The following XAB2 variants were observed in gnomAD, a reference collection of about 807,000 sequenced individuals.
XAB2 encodes pre-mRNA-splicing factor SYF1.
XAB2 carries 57 observed loss-of-function variants against 113.4 expected under a neutral mutation model. The ratio of observed to expected loss-of-function variants is 0.50; its 90% CI spans 0.41 to 0.63. The LOEUF is 0.63. Among genes scored for constraint, XAB2 ranks in the 20% least tolerant of loss-of-function variants. XAB2 has a pLI of 0.00. For synonymous variants in XAB2, 497 were observed against 498.8 expected (o/e 1.00, Z 0.05); for missense variants, 1,037 against 1,233.3 (o/e 0.84, Z 2.38).
chr19:7,629,516 C>T lies in XAB2; in HGVS notation c.12G>A (p.Met4Ile). The change falls in exon 1 of 19, where the codon ATG becomes ATA. Residue 4 changes from methionine (M) to isoleucine (I), a missense_variant. By Grantham distance (10) the Met-to-Ile change is conservative (BLOSUM62 1). Coordinates refer to ENST00000358368, the MANE Select transcript of XAB2 (RefSeq NM_020196.3). The stretch of plus-strand genomic sequence containing the variant: ...GCCGCTCGGGCCGCGAGAGTCGCGC[C>T]ATCACCACCATTTTTCTGGATGCCC... Reference protein sequence around the residue: MVVMARLSRPERPD... With the variant: MVVIARLSRPERPD... 6.2e-7 allele frequency: 1 copy of T among 1,605,380 alleles called. No homozygotes were observed. The highest frequency in any genetic ancestry group is 8.5e-7 in the Non-Finnish European group (1 of 1,176,192).
Position 7,621,230 on chromosome 19 carries a change from G to A in XAB2, c.1685C>T (p.Thr562Ile). Residue 562 changes from threonine (T) to isoleucine (I), a missense_variant, in exon 13 of 19, where the codon ACC becomes ATC. Transcript: ENST00000358368. ...GCCCCCATAGCGGGCAATGAATTTGGTCAGGTAGGTGCTCCAGATGTCGGA... is the reference window on the plus strand; with the variant it reads ...GCCCCCATAGCGGGCAATGAATTTGATCAGGTAGGTGCTCCAGATGTCGGA... ...NVSDIWSTYL[T>I]KFIARYGGRK... 6.2e-7 allele frequency: 1 copy of A among 1,613,190 alleles called. No homozygotes were observed. Among genetic ancestry groups the A allele is most frequent in the Non-Finnish European group, 8.5e-7 (1 of 1,179,996 alleles).
Position 7,623,185 on chromosome 19 carries a change from G to A in XAB2, c.1224C>T (p.Asn408=), listed in dbSNP as rs764049977. 9.9e-6 allele frequency: 16 copies of A among 1,613,582 alleles called. No individual in the cohort carries two copies. In the East Asian group the frequency reaches 1.8e-4, roughly 18 times the overall value. ...GGGTGCTCACATCGTCCAGCTGTCC[G>A]TTGTCCTCATAAAACTTGGCAAACG... ...WVAFAKFYED[N]GQLDDARVIL... is the part of the protein sequence containing the mutation. Residue 408 remains asparagine (N), a synonymous_variant, in exon 9 of 19, where the codon AAC becomes AAT. Transcript: ENST00000358368. The surrounding 1 kb of genome is among the most constrained non-coding windows in gnomAD (Gnocchi z 4.6).
At position 7,625,315 on chromosome 19, in the gene XAB2, C is replaced by A. The variant is rs933177545; in HGVS notation, c.822+565G>T. Among the ~76,000 whole-genome samples, 1 of 152,160 alleles carries A rather than the reference C, an allele frequency of 6.6e-6. No homozygotes were observed. The highest frequency in any genetic ancestry group is 2.4e-5 in the African/African-American group (1 of 41,436). ...ACCCTGATTTTACAAATGAAGACAC[C>A]CCACCTTAGTGGGGCCAAGGCCGCA... On this transcript the variant is annotated intron_variant, in intron 6 of 18. Coordinates refer to ENST00000358368, the MANE Select transcript of XAB2 (RefSeq NM_020196.3). The surrounding 1 kb of genome is among the most constrained non-coding windows in gnomAD (Gnocchi z 5.2).
rs2031055983 is a variant in XAB2, at chr19:7,622,538, T to A, written c.1495A>T (p.Thr499Ser). ...MLADLEESLG[T>S]FQSTKAVYDR... The stretch of plus-strand genomic sequence containing the variant: ...AGCCACAGGCAGCTCACCTGGAAGG[T>A]GCCGAGGCTCTCCTCCAGGTCGGCG... The change falls in exon 11 of 19, where the codon ACC becomes TCC. Residue 499 changes from threonine (T) to serine (S), a missense_variant. By Grantham distance (58) the Thr-to-Ser change is moderately conservative. Transcript: ENST00000358368. The A allele has an allele frequency of 2.5e-6, 4 of 1,613,796 alleles. No individual in the cohort carries two copies. Among genetic ancestry groups the A allele is most frequent in the Non-Finnish European group, 2.5e-6 (3 of 1,180,024 alleles).
Position 7,622,533 on chromosome 19 carries a change from G to T in XAB2, c.1500C>A (p.Phe500Leu), listed in dbSNP as rs769479629. Residue 500 changes from phenylalanine (F) to leucine (L), a missense_variant, in exon 11 of 19, where the codon TTC becomes TTA. By Grantham distance (22) the Phe-to-Leu change is conservative. Coordinates refer to ENST00000358368, the MANE Select transcript of XAB2 (RefSeq NM_020196.3). ...TCCCCAGCCACAGGCAGCTCACCTG[G>T]AAGGTGCCGAGGCTCTCCTCCAGGT... ...LADLEESLGT[F>L]QSTKAVYDRI... The T allele has an allele frequency of 1.2e-6, 2 of 1,613,866 alleles. No homozygotes were observed. The highest frequency in any genetic ancestry group is 1.7e-6 in the Non-Finnish European group (2 of 1,180,030).
Position 7,621,296 on chromosome 19 carries a change from G to A in XAB2, c.1619C>T (p.Ala540Val), listed in dbSNP as rs1194712294. The change falls in exon 13 of 19, where the codon GCG (alanine) becomes GTG (valine). Residue 540 changes from alanine (A) to valine (V), a missense_variant and splice_region_variant. Physicochemically the swap from Ala to Val is moderately conservative, Grantham distance 64 (BLOSUM62 0). Coordinates refer to ENST00000358368, the MANE Select transcript of XAB2 (RefSeq NM_020196.3). ...EHKYFEESFKAYERGISLFKW... is the reference protein window; with the variant it reads ...EHKYFEESFKVYERGISLFKW... ...GAACAGCGAGATGCCGCGCTCGTAC[G>A]CCTGTTACCAGAGGGAGAGTCACAT... 3.1e-6 allele frequency: 5 copies of A among 1,612,460 alleles called. No homozygotes were observed. The highest frequency in any genetic ancestry group is 4.5e-5 in the East Asian group (2 of 44,872).
Position 7,623,396 on chromosome 19 carries a change from T to G in XAB2, c.1120-107A>C. 1 of 1,460,816 alleles carries G rather than the reference T, an allele frequency of 6.8e-7. No individual in the cohort carries two copies. Among genetic ancestry groups the G allele is most frequent in the Non-Finnish European group, 9.3e-7 (1 of 1,076,620 alleles). The allele number at this position is 1,460,816 out of a possible 1,614,324, so 90.5% of individuals were successfully genotyped here. ...GGGGCCTGGAGGGTGCTGTGGCCCC[T>G]GTCGGGAGAGGCCAGAAACGAACTA... is the stretch of plus-strand genomic sequence containing the variant. On this transcript the variant is annotated intron_variant, in intron 8 of 18. Coordinates refer to ENST00000358368, the MANE Select transcript of XAB2 (RefSeq NM_020196.3). The surrounding 1 kb of genome is among the most constrained non-coding windows in gnomAD (Gnocchi z 4.6).
Position 7,625,039 on chromosome 19 carries a change from G to T in XAB2, c.823-594C>A, listed in dbSNP as rs889107143. 3.3e-5 allele frequency among the ~76,000 whole-genome samples: 5 copies of T among 152,212 alleles called. No individual in the cohort carries two copies. The highest frequency in any genetic ancestry group is 7.3e-5 in the Non-Finnish European group (5 of 68,030). Reference sequence around the variant, plus strand: ...CCACACCCCACTGGCGGCTCCCCCAGCCAGGAGCATGGCCAGCCCGTTTGG... The same window carrying T: ...CCACACCCCACTGGCGGCTCCCCCATCCAGGAGCATGGCCAGCCCGTTTGG... On this transcript the variant is annotated intron_variant, in intron 6 of 18. Transcript: ENST00000358368. This position sits in a 1 kb window ranked among gnomAD's most constrained non-coding sequence, Gnocchi z 5.2.
rs1354668575 is a variant in XAB2 at position 7,621,217 on chromosome 19, G to A, written c.1698C>T (p.Ala566=). 6.2e-7 allele frequency: 1 copy of A among 1,613,054 alleles called. No individual in the cohort carries two copies. Among genetic ancestry groups the A allele is most frequent in the East Asian group, 2.2e-5 (1 of 44,878 alleles). ...GCTCCAGCTTGCGGCCCCCATAGCG[G>A]GCAATGAATTTGGTCAGGTAGGTGC... is the stretch of plus-strand genomic sequence containing the variant. The part of the protein sequence containing the change: ...IWSTYLTKFI[A]RYGGRKLERA... Residue 566 remains alanine, a synonymous_variant, in exon 13 of 19, where the codon GCC becomes GCT. Transcript: ENST00000358368.
intron 12 of XAB2, 41 bp from the exon 13 acceptor site, chr19:7,621,338 A>G: frequency 1.2e-6 from 2 of 1,601,818 alleles, no homozygotes; most frequent in Non-Finnish European, 1.7e-6. Context: ...GTCTGCAGAT[A>G]GAGACCACCA....
chr19:7,620,709 G>A, intron 14 of XAB2, 40 bp from the exon 15 acceptor site: 1 of 1,607,234 alleles, frequency 6.2e-7, no homozygotes, highest in Non-Finnish European at 8.5e-7. Context: ...TGAGGCCGGG[G>A]TAGCTCGGGG....
At chr19:7,621,399 C>T (rs2031031352) in intron 12 of XAB2, 102 bp from the exon 13 acceptor site, 1 of 1,336,712 alleles carries the variant, frequency 7.5e-7, no homozygotes, top group East Asian at 2.3e-5. Flanking sequence ...GCCAGGAACT[C>T]CCTTGGGGCC....
Position 7,627,443 on chromosome 19 carries a change from G to T in XAB2, c.325-3C>A, listed in dbSNP as rs761352969. The T allele has an allele frequency of 6.9e-6, 11 of 1,601,800 alleles. No homozygotes were observed. Among genetic ancestry groups the T allele is most frequent in the Non-Finnish European group, 9.4e-6 (11 of 1,175,550 alleles). On this transcript the variant is annotated splice_polypyrimidine_tract_variant and splice_region_variant and intron_variant, in intron 3 of 18. Transcript: ENST00000358368. This position sits in a 1 kb window ranked among gnomAD's most constrained non-coding sequence, Gnocchi z 4.5. ...TAATCTAGCCACAGACGAGGCATCTGGGGGTGTGGGGAGAGGCGGCTGGGG... is the reference window on the plus strand; with the variant it reads ...TAATCTAGCCACAGACGAGGCATCTTGGGGTGTGGGGAGAGGCGGCTGGGG...
In XAB2 at chr19:7,625,029, G is replaced by A. The variant is rs1050805334; in HGVS notation, c.823-584C>T. Among the ~76,000 whole-genome samples the A allele has an allele frequency of 1.1e-4, 16 of 152,224 alleles. No individual in the cohort carries two copies. Among genetic ancestry groups the A allele is most frequent in the African/African-American group, 3.6e-4 (15 of 41,456 alleles). On this transcript the variant is annotated intron_variant, in intron 6 of 18. Coordinates refer to ENST00000358368, the MANE Select transcript of XAB2 (RefSeq NM_020196.3). The surrounding 1 kb of genome is among the most constrained non-coding windows in gnomAD (Gnocchi z 5.2). Reference sequence around the variant, plus strand: ...CGCATACCGCCCACACCCCACTGGCGGCTCCCCCAGCCAGGAGCATGGCCA... The same window carrying A: ...CGCATACCGCCCACACCCCACTGGCAGCTCCCCCAGCCAGGAGCATGGCCA...
Position 7,624,500 on chromosome 19 carries a change from G to A in XAB2, c.823-55C>T. 6.2e-7 allele frequency: 1 copy of A among 1,610,448 alleles called. No individual in the cohort carries two copies. The highest frequency in any genetic ancestry group is 8.5e-7 in the Non-Finnish European group (1 of 1,179,606). ...AGGAAAGTGGCGCAGGGGACAGGCA[G>A]CAGCACTCTTAGCACCAGCCTCAAT... is the stretch of plus-strand genomic sequence containing the variant. On this transcript the variant is annotated intron_variant, in intron 6 of 18. Coordinates refer to ENST00000358368, the MANE Select transcript of XAB2 (RefSeq NM_020196.3). This position sits in a 1 kb window ranked among gnomAD's most constrained non-coding sequence, Gnocchi z 4.2.
chr19:7,623,918 C>G lies in XAB2; in HGVS notation c.968-36G>C. On this transcript the variant is annotated intron_variant, in intron 7 of 18. Coordinates refer to ENST00000358368, the MANE Select transcript of XAB2 (RefSeq NM_020196.3). The surrounding 1 kb of genome is among the most constrained non-coding windows in gnomAD (Gnocchi z 4.6). ...CGAACATGTTTGTCAGGGGCGGAGA[C>G]CCAGGATGCAGGTCCCCGGATGCCA... The G allele has an allele frequency of 6.6e-7, 1 of 1,509,128 alleles. No individual in the cohort carries two copies. The allele number at this position is 1,509,128 out of a possible 1,614,324, so 93.5% of individuals were successfully genotyped here.
rs1323072681 is a variant in XAB2, at chr19:7,624,975, C to T, written c.823-530G>A. ...TGCTGCCTCCGACAGCCTTGGCCTA[C>T]ACGTGCCCCTGGAAGGGGCGCTGCG... On this transcript the variant is annotated intron_variant, in intron 6 of 18. Coordinates refer to ENST00000358368, the MANE Select transcript of XAB2 (RefSeq NM_020196.3). This position sits in a 1 kb window ranked among gnomAD's most constrained non-coding sequence, Gnocchi z 4.2. Among the ~76,000 whole-genome samples the T allele has an allele frequency of 1.3e-5, 2 of 152,234 alleles. No homozygotes were observed. The highest frequency in any genetic ancestry group is 3.9e-4 in the East Asian group (2 of 5,190).
In XAB2 at chr19:7,620,059, A is replaced by G. The variant is rs940853669; in HGVS notation, c.2283T>C (p.Pro761=). 1.9e-6 allele frequency: 3 copies of G among 1,611,834 alleles called. No homozygotes were observed. Among genetic ancestry groups the G allele is most frequent in the Non-Finnish European group, 2.5e-6 (3 of 1,179,976 alleles). The stretch of plus-strand genomic sequence containing the variant: ...TCATGTCGTCCATGCCACTCTGCCC[A>G]GGGGCCAGGTCAGACACTAGGGGGT... ...SATGTVSDLA[P]GQSGMDDMKL... Residue 761 remains proline (P), a synonymous_variant, in exon 17 of 19, where the codon CCT becomes CCC. Coordinates refer to ENST00000358368, the MANE Select transcript of XAB2 (RefSeq NM_020196.3).
Position 7,619,865 on chromosome 19 carries a change from G to T in XAB2, c.2397-9C>A. 1.2e-6 allele frequency: 2 copies of T among 1,611,172 alleles called. No individual in the cohort carries two copies. Among genetic ancestry groups the T allele is most frequent in the Non-Finnish European group, 1.7e-6 (2 of 1,179,870 alleles). Reference sequence around the variant, plus strand: ...CCCGGGAGGCGTCACTCCTAGGGACGGGCCATGCTGCCTCAGTTCCCCACC... The same window carrying T: ...CCCGGGAGGCGTCACTCCTAGGGACTGGCCATGCTGCCTCAGTTCCCCACC... On this transcript the variant is annotated splice_polypyrimidine_tract_variant and intron_variant, in intron 17 of 18. Transcript: ENST00000358368.
Sources: gnomAD v4.1 joint callset for allele counts (sites outside exome capture counted in the v4.1 genomes callset) on GRCh38, gnomAD v4.1.1 for gene constraint, Gnocchi (gnomAD v3.1) non-coding constraint, MANE v1.5 for transcripts, NCBI Gene and HGNC (gene_info 2026-07-23, HGNC 2026-07-21) for gene names.